The following COL26A1 variants were observed in gnomAD, a reference collection of about 807,000 sequenced individuals.
The protein encoded by COL26A1 is collagen type XXVI alpha 1 chain.
COL26A1 carries 41 observed loss-of-function variants against 59.3 expected under a neutral mutation model. The ratio of observed to expected loss-of-function variants is 0.69; its 90% CI spans 0.54 to 0.90. The LOEUF is 0.90. Ranked by LOEUF, COL26A1 falls within the 40% of genes least tolerant of loss-of-function variation. The pLI, the probability that COL26A1 is intolerant of heterozygous loss-of-function variation, is 0.00. For missense variants in COL26A1, 612 were observed against 602.3 expected (o/e 1.02, Z -0.17); for synonymous variants, 266 against 256.0 (o/e 1.04, Z -0.37).
chr7:101,412,367 C>T lies in COL26A1; in HGVS notation c.159-7610C>T, dbSNP rs572826639. Among the ~76,000 whole-genome samples, 7 of 152,058 alleles carry T rather than the reference C, an allele frequency of 4.6e-5. No individual in the cohort carries two copies. In the South Asian group the frequency reaches 6.2e-4, roughly 14 times the overall value. On this transcript the variant is annotated intron_variant, in intron 1 of 12. Coordinates refer to ENST00000313669, the MANE Select transcript of COL26A1 (RefSeq NM_001278563.3). ...ATTTGCATACAATTAAAAGTGGGGC[C>T]GGCACAGTGGCTCATGCCTGTAATC...
chr7:101,539,983 T>C lies in COL26A1; in HGVS notation c.538T>C (p.Phe180Leu). Residue 180 changes from phenylalanine to leucine, a missense_variant, in exon 5 of 13, where the codon TTC (phenylalanine) becomes CTC (leucine). By Grantham distance (22) the Phe-to-Leu change is conservative. Transcript: ENST00000313669. Reference sequence around the variant, plus strand: ...CACTCCGCCGACCTGGAATGAGGACTTCCTCCCCGACGCCATCCCTCTTGC... The same window carrying C: ...CACTCCGCCGACCTGGAATGAGGACCTCCTCCCCGACGCCATCCCTCTTGC... ...ESTPPTWNED[F>L]LPDAIPLAHP... 6.2e-7 allele frequency: 1 copy of C among 1,612,822 alleles called. No homozygotes were observed. The highest frequency in any genetic ancestry group is 1.1e-5 in the South Asian group (1 of 91,012).
intron 1 of COL26A1, among the ~76,000 whole-genome samples, chr7:101,408,251 T>G (rs61110965): frequency 6.6e-6 from 1 of 152,106 alleles, no homozygotes; most frequent in Non-Finnish European, 1.5e-5. Flanking sequence ...GAGGCAGGAA[T>G]GAGCAGAAGG....
chr7:101,557,675 T>C lies in COL26A1; in HGVS notation c.*145T>C, dbSNP rs1406784162. On this transcript the variant is annotated 3_prime_UTR_variant, in exon 13 of 13. Coordinates refer to ENST00000313669, the MANE Select transcript of COL26A1 (RefSeq NM_001278563.3). ...GGACATGGGGGGCTTTGGGGACAGATAATGTCTCCAGGGGCAGGGTCTGGA... is the reference window on the plus strand; with the variant it reads ...GGACATGGGGGGCTTTGGGGACAGACAATGTCTCCAGGGGCAGGGTCTGGA... 3.9e-5 allele frequency: 32 copies of C among 829,560 alleles called. No individual in the cohort carries two copies. The highest frequency in any genetic ancestry group is 5.3e-5 in the Non-Finnish European group (29 of 551,648). The allele number at this position is 829,560 out of a possible 1,614,324, so 51.4% of individuals were successfully genotyped here. A position where few individuals can be genotyped will look rare whatever the true frequency, so the allele number is the denominator to read the frequency against.
chr7:101,473,677 A>G (rs1024528014), intron 3 of COL26A1, among the ~76,000 whole-genome samples: 1 of 151,510 alleles, frequency 6.6e-6, no homozygotes, highest in African/African-American at 2.4e-5. Context: ...AAAAAACAAA[A>G]ACAAAAACAA....
intron 1 of COL26A1, among the ~76,000 whole-genome samples, chr7:101,413,883 T>G (rs1171439391): frequency 6.6e-6 from 1 of 152,174 alleles, no homozygotes; most frequent in African/African-American, 2.4e-5. Context: ...AGCACCTTTC[T>G]GGGTGCAGTT....
intron 2 of COL26A1, among the ~76,000 whole-genome samples, chr7:101,425,502 C>G (rs1264095944): frequency 1.3e-5 from 2 of 151,870 alleles, no homozygotes; most frequent in East Asian, 3.9e-4. Flanking sequence ...TCAGAGAACT[C>G]TGGGTTTTGT....
At chr7:101,517,336 C>A (rs1448767489) in intron 3 of COL26A1, among the ~76,000 whole-genome samples, 1 of 152,084 alleles carries the variant, frequency 6.6e-6, no homozygotes. Context: ...TCCGTTTTCA[C>A]GTTGCTGATA....
chr7:101,367,082 C>T (rs1015597088), intron 1 of COL26A1, among the ~76,000 whole-genome samples: 4 of 152,288 alleles, frequency 2.6e-5, no homozygotes, highest in Non-Finnish European at 4.4e-5. Flanking sequence ...TAATTGGATC[C>T]TCTGCCCCCT....
chr7:101,542,571 C>T (rs184822835), intron 5 of COL26A1, among the ~76,000 whole-genome samples: 84 of 152,264 alleles, frequency 5.5e-4, no homozygotes, highest in African/African-American at 1.9e-3. Context: ...TTGGAGGGGG[C>T]GCTCTCCCTC....
Position 101,520,578 on chromosome 7 carries a change from T to G in COL26A1, c.386-12504T>G, listed in dbSNP as rs146178562. On this transcript the variant is annotated intron_variant, in intron 3 of 12. Coordinates refer to ENST00000313669, the MANE Select transcript of COL26A1 (RefSeq NM_001278563.3). ...GGTGCACACCTGTACTCCCAGCTAC[T>G]CAGGAGGCAAAGGTGGGAGGAAGAG... 3.4e-4 allele frequency among the ~76,000 whole-genome samples: 51 copies of G among 150,710 alleles called. No individual in the cohort carries two copies. In the East Asian group the frequency reaches 3.7e-3, roughly 11 times the overall value.
At chr7:101,443,356 C>T (rs964407902) in intron 2 of COL26A1, among the ~76,000 whole-genome samples, 16 of 152,096 alleles carry the variant, frequency 1.1e-4, no homozygotes, top group African/African-American at 3.9e-4. Flanking sequence ...TTATGAAACA[C>T]GAGTGCAGGT....
At chr7:101,435,953 C>T (rs1382896714) in intron 2 of COL26A1, among the ~76,000 whole-genome samples, 2 of 152,248 alleles carry the variant, frequency 1.3e-5, no homozygotes, top group Admixed American at 6.5e-5. Flanking sequence ...AGGATGGATG[C>T]CCGCAAGGCA....
chr7:101,369,964 G>A (rs1458231239), intron 1 of COL26A1, among the ~76,000 whole-genome samples: 1 of 152,106 alleles, frequency 6.6e-6, no homozygotes, highest in Admixed American at 6.6e-5. Context: ...CCAGGTTCAA[G>A]CGATTCTCCT....
chr7:101,471,249 C>T (rs746087121), intron 3 of COL26A1, among the ~76,000 whole-genome samples: 1 of 152,106 alleles, frequency 6.6e-6, no homozygotes, highest in Non-Finnish European at 1.5e-5. Context: ...TTTATACTTG[C>T]CTTGTGCACA....
chr7:101,498,594 C>T (rs1325903296), intron 3 of COL26A1, among the ~76,000 whole-genome samples: 1 of 152,156 alleles, frequency 6.6e-6, no homozygotes, highest in Non-Finnish European at 1.5e-5. Context: ...GCATGAGAAA[C>T]AGTGACCCTG....
At position 101,549,673 on chromosome 7, in the gene COL26A1, C is replaced by T. The variant is rs529882949; in HGVS notation, c.993+450C>T. On this transcript the variant is annotated intron_variant, in intron 9 of 12. Transcript: ENST00000313669. ...CTGGGATTACAGGTGTGAGCCACTG[C>T]GCCCAGCCGAGATTTTAATTTTATT... Among the ~76,000 whole-genome samples, 470 of 152,254 alleles carry T rather than the reference C, an allele frequency of 3.1e-3. 4 individuals carry two copies. The highest frequency in any genetic ancestry group is 1.9e-3 in the Non-Finnish European group (130 of 68,034).
chr7:101,488,112 G>GA (rs112465776), intron 3 of COL26A1, among the ~76,000 whole-genome samples: 59,588 of 145,856 alleles, frequency 0.41, 12,587 homozygotes, highest in African/African-American at 0.53. Flanking sequence ...CATCTCTACT[G>GA]AAAAAAAAAC....
chr7:101,511,477 C>T (rs1563020047), intron 3 of COL26A1, among the ~76,000 whole-genome samples: 1 of 152,192 alleles, frequency 6.6e-6, no homozygotes, highest in South Asian at 2.1e-4. Context: ...CTTGTGGGTT[C>T]CGTTAAGCTA....
chr7:101,445,532 C>A (rs575319908), intron 2 of COL26A1, among the ~76,000 whole-genome samples: 1 of 131,542 alleles, frequency 7.6e-6, no homozygotes, highest in Admixed American at 7.7e-5. Flanking sequence ...GAGATCGAGA[C>A]CATCCCGGCT....
Sources: allele counts gnomAD v4.1 joint callset (sites outside exome capture counted in the v4.1 genomes callset), GRCh38; gene constraint gnomAD v4.1.1; transcripts MANE v1.5; gene names NCBI Gene and HGNC (gene_info 2026-07-23, HGNC 2026-07-21).